STAMBP: variants seen among roughly 807,000 people sequenced by gnomAD.
STAMBP encodes STAM-binding protein.
Under a neutral mutation model 50.7 loss-of-function variants are expected in STAMBP, and 31 were observed. The ratio of observed to expected loss-of-function variants is 0.61; its 90% CI spans 0.46 to 0.83. The LOEUF is 0.83. Among genes scored for constraint, STAMBP ranks in the 40% least tolerant of loss-of-function variants. STAMBP has a pLI of 0.00. For synonymous variants in STAMBP, 211 were observed against 192.4 expected, an observed-to-expected ratio of 1.10 and a Z score of -0.80; for missense variants, 472 against 518.9, an observed-to-expected ratio of 0.91 and a Z score of 0.88.
At position 73,862,277 on chromosome 2, in the gene STAMBP, C is replaced by A. The variant is rs1256767208; in HGVS notation, c.*18C>A. On this transcript the variant is annotated 3_prime_UTR_variant, in exon 10 of 10. Transcript: ENST00000394070. ...TTCGATGAGCGTTTGAGTCCAACAC[C>A]TTCCAAGAACAACAAAACCATATCA... The A allele has an allele frequency of 1.2e-6, 2 of 1,604,796 alleles. No homozygotes were observed. Among genetic ancestry groups the A allele is most frequent in the Non-Finnish European group, 1.7e-6 (2 of 1,176,362 alleles).
Sources: gnomAD v4.1 joint callset for allele counts on GRCh38, gnomAD v4.1.1 for gene constraint, MANE v1.5 for transcripts, NCBI Gene and HGNC (gene_info 2026-07-23, HGNC 2026-07-21) for gene names.